ANXA8: variants seen among roughly 807,000 people sequenced by gnomAD.
ANXA8 encodes annexin A8, also known as VAC-beta.
A neutral mutation model predicts 26.8 loss-of-function variants in ANXA8; 9 were observed. The observed-to-expected ratio is 0.34, with a 90% CI of 0.20 to 0.59. The LOEUF is 0.59. ANXA8 is among the 20% of genes least tolerant of loss of function. The probability of loss-of-function intolerance (pLI) is 0.84; values close to 1 mark genes in which losing one functional copy is unlikely to be tolerated. For missense variants in ANXA8, 83 were observed against 238.5 expected (o/e 0.35, Z 4.29); for synonymous variants, 39 against 94.8 (o/e 0.41, Z 3.42).
the ANXA8 span, chr10:47,985,651 C>T: frequency 7.9e-6 from 1 of 126,962 alleles, no homozygotes; most frequent in Non-Finnish European, 1.7e-5. Flanking sequence ...ATTTACAACA[C>T]TCTAGCACCC....
chr10:47,705,835 G>C, the ANXA8 span, among the ~76,000 whole-genome samples: 6 of 151,784 alleles, frequency 4.0e-5, no homozygotes, highest in Non-Finnish European at 7.4e-5. Context: ...TCATGACGCA[G>C]CGAGTTTCAG....
chr10:47,950,607 G>A, the ANXA8 span, among the ~76,000 whole-genome samples: 1 of 150,110 alleles, frequency 6.7e-6, no homozygotes, highest in South Asian at 2.1e-4. Flanking sequence ...ATACATTTAA[G>A]AGGACCAAAA....
At chr10:47,628,795 T>C in the ANXA8 span, among the ~76,000 whole-genome samples, 1 of 149,610 alleles carries the variant, frequency 6.7e-6, no homozygotes, top group Non-Finnish European at 1.5e-5. Context: ...GAAAAAACAT[T>C]TGTGAAGATT....
chr10:47,952,698 CA>C, the ANXA8 span, among the ~76,000 whole-genome samples: 1 of 147,232 alleles, frequency 6.8e-6, no homozygotes, highest in Non-Finnish European at 1.5e-5. Context: ...GCAATTTTTA[CA>C]AAGAATGAAT....
chr10:47,744,209 T>C, the ANXA8 span, among the ~76,000 whole-genome samples: 8 of 148,964 alleles, frequency 5.4e-5, no homozygotes, highest in Non-Finnish European at 8.9e-5. Context: ...CCTACCAGGC[T>C]GCGGGAATGT....
At chr10:47,519,054 C>T in the ANXA8 span, among the ~76,000 whole-genome samples, 1 of 135,268 alleles carries the variant, frequency 7.4e-6, no homozygotes, top group African/African-American at 2.9e-5. Context: ...TAACATGTGA[C>T]CCTTAATGTT....
At chr10:47,733,235 CTT>C in the ANXA8 span, among the ~76,000 whole-genome samples, 98 of 47,018 alleles carry the variant, frequency 2.1e-3, no homozygotes, top group African/African-American at 3.3e-3. Context: ...TTCTTTCTCT[CTT>C]TCTTTCTTTC....
chr10:47,547,425 G>T, the ANXA8 span, among the ~76,000 whole-genome samples: 1 of 132,606 alleles, frequency 7.5e-6, no homozygotes. Flanking sequence ...TATCTGGAAG[G>T]ATATACATAT....
the ANXA8 span, among the ~76,000 whole-genome samples, chr10:47,628,248 A>G: frequency 6.6e-6 from 1 of 152,080 alleles, no homozygotes; most frequent in African/African-American, 2.4e-5. Flanking sequence ...GGCTTTCTGA[A>G]TGTTCTCTTA....
the ANXA8 span, among the ~76,000 whole-genome samples, chr10:47,749,342 T>A: frequency 6.7e-6 from 1 of 150,244 alleles, no homozygotes; most frequent in South Asian, 2.1e-4. Context: ...AGAAAACTGA[T>A]CTATGATAGA....
chr10:47,667,149 A>T, the ANXA8 span, among the ~76,000 whole-genome samples: 1 of 152,010 alleles, frequency 6.6e-6, no homozygotes, highest in African/African-American at 2.4e-5. Flanking sequence ...TTTCTCCTGC[A>T]TTGGCACTTC....
chr10:47,500,197 A>C, the ANXA8 span, among the ~76,000 whole-genome samples: 1 of 141,918 alleles, frequency 7.0e-6, no homozygotes, highest in African/African-American at 2.6e-5. Context: ...TGAAACCACC[A>C]TGCTTGGCTT....
At chr10:47,568,091 A>T in the ANXA8 span, 2 of 403,276 alleles carry the variant, frequency 5.0e-6, no homozygotes, top group Non-Finnish European at 9.1e-6. Context: ...CTGGAGTGCA[A>T]CGGTGCGATC....
the ANXA8 span, among the ~76,000 whole-genome samples, chr10:47,656,265 G>T: frequency 1.3e-5 from 2 of 151,484 alleles, no homozygotes; most frequent in African/African-American, 2.4e-5. Flanking sequence ...AGGTATGGTG[G>T]CATGCACCTG....
the ANXA8 span, among the ~76,000 whole-genome samples, chr10:47,636,656 G>T: frequency 2.7e-5 from 4 of 150,596 alleles, no homozygotes; most frequent in Non-Finnish European, 5.9e-5. Flanking sequence ...TTTTAATGGT[G>T]GTAGTATATT....
At chr10:47,663,254 CCTT>C in the ANXA8 span, among the ~76,000 whole-genome samples, 1 of 148,782 alleles carries the variant, frequency 6.7e-6, no homozygotes, top group South Asian at 2.1e-4. Context: ...GTTTCTGTCT[CCTT>C]CACTGATGAC....
the ANXA8 span, among the ~76,000 whole-genome samples, chr10:47,733,219 T>TTCTCTC: frequency 5.9e-5 from 4 of 68,044 alleles, no homozygotes; most frequent in African/African-American, 1.1e-4. Flanking sequence ...CTTTCTTTCT[T>TTCTCTC]TCTCTTTCTT....
At chr10:47,580,464 G>C in the ANXA8 span, among the ~76,000 whole-genome samples, 87 of 151,302 alleles carry the variant, frequency 5.8e-4, no homozygotes, top group Non-Finnish European at 1.1e-3. Context: ...GGCCACATGT[G>C]TTGGCTCACA....
rs1839597240 is a variant in ANXA8, at chr10:47,477,210, G to C, written c.208-16C>G. 6.3e-7 allele frequency: 1 copy of C among 1,589,506 alleles called. No individual in the cohort carries two copies. The highest frequency in any genetic ancestry group is 1.3e-5 in the African/African-American group (1 of 74,538). On this transcript the variant is annotated splice_polypyrimidine_tract_variant and intron_variant, in intron 3 of 11. Coordinates refer to ENST00000585281, the MANE Select transcript of ANXA8 (RefSeq NM_001040084.3). ...CAGTGAGGTCCTAATGCGGGAACAGGGAAAGGTGATATTTGTCATAAGCCA... is the reference window on the plus strand; with the variant it reads ...CAGTGAGGTCCTAATGCGGGAACAGCGAAAGGTGATATTTGTCATAAGCCA...
Sources: gnomAD v4.1 joint callset for allele counts (sites outside exome capture counted in the v4.1 genomes callset) on GRCh38, gnomAD v4.1.1 for gene constraint, MANE v1.5 for transcripts, NCBI Gene and HGNC (gene_info 2026-07-23, HGNC 2026-07-21) for gene names.